The following TNNT2 variants were observed in gnomAD, a reference collection of about 807,000 sequenced individuals.
The protein encoded by TNNT2 is troponin T, cardiac muscle.
TNNT2 carries 34 observed loss-of-function variants against 62.4 expected under a neutral mutation model. That is an observed-to-expected ratio of 0.54 (90% CI 0.41 to 0.72). The LOEUF (loss-of-function observed/expected upper bound fraction) is 0.72, where lower values mean the gene tolerates loss of function less well. Among genes scored for constraint, TNNT2 ranks in the 30% least tolerant of loss-of-function variants. TNNT2 has a pLI of 0.00. For synonymous variants in TNNT2, 123 were observed against 127.2 expected (o/e 0.97, Z 0.22); for missense variants, 275 against 381.9 (o/e 0.72, Z 2.33).
intron 9 of TNNT2, 56 bp downstream of exon 9, chr1:201,365,554 A>C: frequency 6.3e-7 from 1 of 1,575,078 alleles, no homozygotes; most frequent in Non-Finnish European, 8.7e-7. Flanking sequence ...TCTGTCACTG[A>C]GGGCCCTTGG....
intron 2 of TNNT2, chr1:201,372,968 G>C: frequency 1.5e-6 from 1 of 657,472 alleles, no homozygotes; most frequent in East Asian, 3.0e-5. Context: ...ACTGGCCAAG[G>C]ACACTGATGA....
rs199730723 is a variant in TNNT2, at chr1:201,368,236, G to T, written c.98-9C>A. 2 of 1,614,032 alleles carry T rather than the reference G, an allele frequency of 1.2e-6. No individual in the cohort carries two copies. The highest frequency in any genetic ancestry group is 1.7e-6 in the Non-Finnish European group (2 of 1,179,956). ...CGCTGCCTCCTCCTGCTCTGGAGAA[G>T]TGAAGCAGACAGAGTGAAGAAGCAG... On this transcript the variant is annotated splice_polypyrimidine_tract_variant and intron_variant, in intron 5 of 16. Coordinates refer to ENST00000656932, the MANE Select transcript of TNNT2 (RefSeq NM_001276345.2).
chr1:201,364,147 G>C (rs1571620033), intron 11 of TNNT2, 151 bp downstream of exon 11: 1 of 809,082 alleles, frequency 1.2e-6, no homozygotes, highest in East Asian at 2.7e-5. Flanking sequence ...GCCTCCCAAA[G>C]TGCTGGGATT....
At chr1:201,367,273 G>A in intron 7 of TNNT2, 1 of 392,966 alleles carries the variant, frequency 2.5e-6, no homozygotes, top group Non-Finnish European at 4.8e-6. Context: ...CTTCCCGGTG[G>A]CCACAGGGCA....
intron 2 of TNNT2, 111 bp downstream of exon 2, chr1:201,373,103 A>G (rs1164089034): frequency 9.0e-7 from 1 of 1,108,164 alleles, no homozygotes; most frequent in African/African-American, 1.5e-5. Flanking sequence ...CCCAAAACAC[A>G]CACAGCTACT....
Position 201,377,507 on chromosome 1 carries a change from C to T in TNNT2, c.-15+116G>A, listed in dbSNP as rs1329431852. The T allele has an allele frequency of 1.1e-5, 5 of 455,916 alleles. 1 individual carries two copies. The highest frequency in any genetic ancestry group is 9.4e-5 in the Admixed American group (4 of 42,538). The allele number at this position is 455,916 out of a possible 1,614,324, so 28.2% of individuals were successfully genotyped here. A position where few individuals can be genotyped will look rare whatever the true frequency, so the allele number is the denominator to read the frequency against. ...AAGTGTGGCCTCCACCAGGAGGGGC[C>T]ATGGACTTCTGCGGACACAGGCAGA... On this transcript the variant is annotated intron_variant, in intron 1 of 16. Transcript: ENST00000656932.
At chr1:201,364,706 A>G (rs1166594309) in intron 10 of TNNT2, among the ~76,000 whole-genome samples, 3 of 152,194 alleles carry the variant, frequency 2.0e-5, no homozygotes, top group Non-Finnish European at 4.4e-5. Flanking sequence ...GCTTGGATAG[A>G]TGGCCAAGTC....
chr1:201,366,751 C>T, intron 8 of TNNT2, 87 bp downstream of exon 8: 1 of 1,612,128 alleles, frequency 6.2e-7, no homozygotes, highest in Non-Finnish European at 8.5e-7. Context: ...AGCCCGTGTC[C>T]ACTGCACCAT....
chr1:201,376,833 G>A (rs1474182990), intron 1 of TNNT2, among the ~76,000 whole-genome samples: 1 of 152,196 alleles, frequency 6.6e-6, no homozygotes, highest in Non-Finnish European at 1.5e-5. Flanking sequence ...GATGGGACAA[G>A]GGTTACACTT....
chr1:201,371,177 T>C (rs975181034), intron 4 of TNNT2, among the ~76,000 whole-genome samples: 11 of 149,966 alleles, frequency 7.3e-5, no homozygotes, highest in Non-Finnish European at 1.6e-4. Flanking sequence ...CATGCTGAAG[T>C]GATACCTGAG....
chr1:201,377,260 A>G (rs1172899365), intron 1 of TNNT2, among the ~76,000 whole-genome samples: 1 of 152,148 alleles, frequency 6.6e-6, no homozygotes, highest in Admixed American at 6.5e-5. Context: ...GCCTCATTGT[A>G]TTTAGAGCAG....
chr1:201,377,043 G>T (rs530378865), intron 1 of TNNT2, among the ~76,000 whole-genome samples: 1 of 152,336 alleles, frequency 6.6e-6, no homozygotes, highest in East Asian at 1.9e-4. Context: ...GAGAGGCGCT[G>T]CAGAGGACCC....
In TNNT2 at chr1:201,361,470, C is replaced by T. The variant is rs902386816; in HGVS notation, c.720-101G>A. The T allele has an allele frequency of 4.1e-5, 47 of 1,146,380 alleles. No individual in the cohort carries two copies. The African/African-American group carries it at 7.0e-4, about 17-fold the overall frequency. The allele number at this position is 1,146,380 out of a possible 1,614,324, so 71.0% of individuals were successfully genotyped here. ...AGCCCCCAGCATCCCAGCCCTCCTT[C>T]CCACCTCCAGGCCTGCCAAGGGTAC... is the stretch of plus-strand genomic sequence containing the variant. On this transcript the variant is annotated intron_variant, in intron 14 of 16. Coordinates refer to ENST00000656932, the MANE Select transcript of TNNT2 (RefSeq NM_001276345.2).
intron 11 of TNNT2, chr1:201,363,728 C>T (rs1400194271): frequency 7.2e-6 from 3 of 416,512 alleles, no homozygotes; most frequent in East Asian, 1.1e-4. Context: ...CTTCGGTTCC[C>T]ACGAAGTCTG....
chr1:201,361,696 G>A (rs1300367520), intron 14 of TNNT2, among the ~76,000 whole-genome samples: 1 of 152,252 alleles, frequency 6.6e-6, no homozygotes, highest in Non-Finnish European at 1.5e-5. Flanking sequence ...GCTCAGAGGG[G>A]TGGGGCACCT....
intron 4 of TNNT2, among the ~76,000 whole-genome samples, chr1:201,370,437 T>C (rs1394365866): frequency 1.3e-5 from 2 of 152,010 alleles, no homozygotes; most frequent in Non-Finnish European, 2.9e-5. Flanking sequence ...CTAAGAAGGG[T>C]CCAGCATTAT....
intron 8 of TNNT2, 76 bp from the exon 9 acceptor site, chr1:201,365,746 C>A (rs1015077312): frequency 1.9e-6 from 3 of 1,579,440 alleles, no homozygotes; most frequent in Non-Finnish European, 2.6e-6. Context: ...CAGGCAGGGC[C>A]CTGATCCTTC....
intron 8 of TNNT2, chr1:201,365,950 G>A (rs1659587917): frequency 1.5e-6 from 2 of 1,298,776 alleles, no homozygotes; most frequent in East Asian, 6.4e-5. Context: ...CTGAGGCTCA[G>A]GGAGGTAGAA....
intron 12 of TNNT2, 99 bp from the exon 13 acceptor site, chr1:201,362,493 TG>T: frequency 6.8e-7 from 1 of 1,465,028 alleles, no homozygotes; most frequent in Non-Finnish European, 9.4e-7. Flanking sequence ...AGGAGAGACA[TG>T]GAAGAGAAGA....
Sources: allele counts gnomAD v4.1 joint callset (sites outside exome capture counted in the v4.1 genomes callset), GRCh38; gene constraint gnomAD v4.1.1; transcripts MANE v1.5; gene names NCBI Gene and HGNC (gene_info 2026-07-23, HGNC 2026-07-21).